STK10: variants seen among roughly 807,000 people sequenced by gnomAD.
The protein encoded by STK10 is serine/threonine kinase 10.
STK10 carries 78 observed loss-of-function variants against 113.8 expected under a neutral mutation model. The observed-to-expected ratio is 0.69, with a 90% CI of 0.57 to 0.83. STK10 has a LOEUF of 0.83. STK10 is among the 40% of genes least tolerant of loss of function. STK10 has a pLI of 0.00. For synonymous variants in STK10, 465 were observed against 494.7 expected (o/e 0.94, Z 0.80); for missense variants, 1,109 against 1,280.1 (o/e 0.87, Z 2.04).
At position 172,053,057 on chromosome 5, in the gene STK10, A is replaced by C; in HGVS notation, c.2653-15T>G. The stretch of plus-strand genomic sequence containing the variant: ...CACTTTTCATTCTGGAACAGATTCC[A>C]GGCAGAACAGGTGAGAAATCAGAAG... On this transcript the variant is annotated splice_polypyrimidine_tract_variant and intron_variant, in intron 17 of 18. Coordinates refer to ENST00000176763, the MANE Select transcript of STK10 (RefSeq NM_005990.4). 6.2e-7 allele frequency: 1 copy of C among 1,610,276 alleles called. No homozygotes were observed. Among genetic ancestry groups the C allele is most frequent in the South Asian group, 1.1e-5 (1 of 90,738 alleles).
intron 3 of STK10, among the ~76,000 whole-genome samples, chr5:172,123,415 G>A (rs573009043): frequency 3.3e-5 from 5 of 152,328 alleles, no homozygotes; most frequent in African/African-American, 1.2e-4. Context: ...CCAGAGAAGG[G>A]TTTGTCTGCT....
chr5:172,068,326 C>T lies in STK10; in HGVS notation c.1990-3514G>A, dbSNP rs574599437. The stretch of plus-strand genomic sequence containing the variant: ...CTGCACTCCAGTCTGGGCGACAGAG[C>T]GAGACTCTGTCTCAAAAAAAAAAAG... On this transcript the variant is annotated intron_variant, in intron 12 of 18. Transcript: ENST00000176763. Among the ~76,000 whole-genome samples the T allele has an allele frequency of 6.2e-5, 9 of 144,634 alleles. No homozygotes were observed. In the South Asian group the frequency reaches 1.7e-3, roughly 28 times the overall value. The allele number at this position is 144,634 out of a possible 152,430, so 94.9% of individuals were successfully genotyped here.
chr5:172,109,411 C>A (rs759312151), intron 4 of STK10, among the ~76,000 whole-genome samples: 1 of 151,952 alleles, frequency 6.6e-6, no homozygotes, highest in Non-Finnish European at 1.5e-5. Context: ...CAGCCTCAAC[C>A]TCCCAGGCTC....
At chr5:172,143,440 G>T (rs1770019725) in intron 2 of STK10, among the ~76,000 whole-genome samples, 1 of 152,180 alleles carries the variant, frequency 6.6e-6, no homozygotes, top group African/African-American at 2.4e-5. Context: ...AACACGCAGT[G>T]ACCACACCGT....
chr5:172,108,613 CAAA>C (rs1184891478), intron 4 of STK10, among the ~76,000 whole-genome samples: 45 of 64,870 alleles, frequency 6.9e-4, no homozygotes, highest in African/African-American at 1.5e-3. Flanking sequence ...GAGACTGTCT[CAAA>C]AAAAAAAAAA....
chr5:172,070,140 T>G (rs1023099315), intron 12 of STK10, among the ~76,000 whole-genome samples: 19 of 151,670 alleles, frequency 1.3e-4, no homozygotes, highest in Non-Finnish European at 5.9e-5. Context: ...CCCAGCTACT[T>G]GGGGGGCTGA....
intron 1 of STK10, 130 bp from the exon 2 acceptor site, chr5:172,156,918 A>G (rs1018959728): frequency 3.8e-6 from 4 of 1,047,576 alleles, no homozygotes; most frequent in Non-Finnish European, 5.5e-6. Context: ...CGGAACGTAC[A>G]TTGTTCTTAA....
chr5:172,153,797 C>G (rs532390057), intron 2 of STK10, among the ~76,000 whole-genome samples: 21 of 152,352 alleles, frequency 1.4e-4, no homozygotes, highest in South Asian at 2.1e-4. Flanking sequence ...CTCTGGACTT[C>G]TCCCTTCTAC....
intron 2 of STK10, among the ~76,000 whole-genome samples, chr5:172,136,138 C>G (rs1769853924): frequency 6.6e-6 from 1 of 151,974 alleles, no homozygotes; most frequent in Non-Finnish European, 1.5e-5. Context: ...ACTGATTTGA[C>G]AGAAAGGACT....
intron 9 of STK10, among the ~76,000 whole-genome samples, chr5:172,091,531 CTTT>C (rs778673700): frequency 5.3e-5 from 7 of 131,860 alleles, no homozygotes; most frequent in Non-Finnish European, 7.9e-5. Context: ...TTCAAAGCCT[CTTT>C]TTTTTTTTTT....
rs180693129 is a variant in STK10 at position 172,174,688 on chromosome 5, G to A, written c.156+13199C>T. Among the ~76,000 whole-genome samples the A allele has an allele frequency of 2.8e-4, 42 of 152,212 alleles. 2 individuals carry two copies. In the East Asian group the frequency reaches 8.1e-3, roughly 29 times the overall value. On this transcript the variant is annotated intron_variant, in intron 1 of 18. Transcript: ENST00000176763. ...ACCATGGTCAGGGAGCGGTGGTCGG[G>A]ACAGGCCTCTCTGAGGAGGGAATCT...
chr5:172,052,049 C>T (rs1229847076), intron 18 of STK10, among the ~76,000 whole-genome samples: 2 of 152,184 alleles, frequency 1.3e-5, no homozygotes, highest in African/African-American at 2.4e-5. Flanking sequence ...CGCTCCTCTG[C>T]GTGTGGGTGG....
chr5:172,167,683 G>A lies in STK10; in HGVS notation c.157-10895C>T, dbSNP rs1205752675. ...CTGATACAGTAGCTACTAGCCGCAC[G>A]TGGCTATTTAAATTAATAGATATGA... On this transcript the variant is annotated intron_variant, in intron 1 of 18. Transcript: ENST00000176763. Among the ~76,000 whole-genome samples the A allele has an allele frequency of 3.3e-5, 5 of 152,322 alleles. No homozygotes were observed. The South Asian group carries it at 6.2e-4, about 19-fold the overall frequency.
At chr5:172,118,247 GCTTTAGAGTTCAGGTTTGTAAA>G (rs1240441704) in intron 3 of STK10, among the ~76,000 whole-genome samples, 1 of 152,200 alleles carries the variant, frequency 6.6e-6, no homozygotes, top group Non-Finnish European at 1.5e-5. Context: ...CCAGGGTCTG[GCTTTAGAGTTCAGGTTTGTAAA>G]CATAAGCCCG....
chr5:172,105,778 G>A (rs370401660), intron 6 of STK10, 41 bp from the exon 7 acceptor site: 1 of 1,584,872 alleles, frequency 6.3e-7, no homozygotes, highest in Non-Finnish European at 8.7e-7. Flanking sequence ...GAGGAGGCAA[G>A]AGCAGAGAGA....
At chr5:172,151,870 C>T (rs1358889211) in intron 2 of STK10, among the ~76,000 whole-genome samples, 2 of 152,360 alleles carry the variant, frequency 1.3e-5, no homozygotes, top group Non-Finnish European at 2.9e-5. Flanking sequence ...GCCGCTCTCC[C>T]TCCACCACGC....
intron 2 of STK10, among the ~76,000 whole-genome samples, chr5:172,149,816 C>T (rs561402521): frequency 2.6e-5 from 4 of 151,340 alleles, no homozygotes; most frequent in African/African-American, 4.9e-5. Context: ...GAGGCCGAGG[C>T]GGGTGGATCA....
intron 4 of STK10, among the ~76,000 whole-genome samples, chr5:172,116,665 C>T (rs1413110923): frequency 6.6e-6 from 1 of 151,220 alleles, no homozygotes; most frequent in Non-Finnish European, 1.5e-5. Flanking sequence ...GTCAGGAACT[C>T]GAGACCAGCC....
intron 2 of STK10, among the ~76,000 whole-genome samples, chr5:172,134,499 G>A (rs1769814001): frequency 6.6e-6 from 1 of 151,976 alleles, no homozygotes; most frequent in African/African-American, 2.4e-5. Flanking sequence ...GGTATATGGG[G>A]GTTAGTAAAA....
Sources: gnomAD v4.1 joint callset for allele counts (sites outside exome capture counted in the v4.1 genomes callset) on GRCh38, gnomAD v4.1.1 for gene constraint, MANE v1.5 for transcripts, NCBI Gene and HGNC (gene_info 2026-07-23, HGNC 2026-07-21) for gene names.